The following FOXN3 variants were observed in gnomAD, a reference collection of about 807,000 sequenced individuals.
FOXN3 encodes forkhead box protein N3.
A neutral mutation model predicts 38.4 loss-of-function variants in FOXN3; 7 were observed. That is an observed-to-expected ratio of 0.18 (90% CI 0.10 to 0.34). The LOEUF is 0.34. FOXN3 is among the 10% of genes least tolerant of loss of function. The pLI is 1.00. For synonymous variants in FOXN3, 230 were observed against 242.2 expected (o/e 0.95, Z 0.47); for missense variants, 456 against 613.4 (o/e 0.74, Z 2.71).
chr14:89,393,979 A>G (rs1359527300), intron 2 of FOXN3, among the ~76,000 whole-genome samples: 4 of 152,094 alleles, frequency 2.6e-5, no homozygotes, highest in Non-Finnish European at 5.9e-5. Flanking sequence ...GAAGTCCAAG[A>G]TGGAAGGGTT....
chr14:89,494,125 C>G (rs963046750), intron 1 of FOXN3: 1 of 152,180 alleles, frequency 6.6e-6, no homozygotes, highest in African/African-American at 2.4e-5. Context: ...TTCTTTTACA[C>G]TTACTTAATA....
chr14:89,526,916 A>G (rs1894443219), intron 1 of FOXN3, among the ~76,000 whole-genome samples: 1 of 152,256 alleles, frequency 6.6e-6, no homozygotes, highest in Non-Finnish European at 1.5e-5. Context: ...GGAACAGAAT[A>G]GAGTCCAGAA....
At chr14:89,441,871 T>C (rs1367878510) in intron 1 of FOXN3, among the ~76,000 whole-genome samples, 1 of 151,312 alleles carries the variant, frequency 6.6e-6, no homozygotes, top group Non-Finnish European at 1.5e-5. Context: ...GGCCTTGAGG[T>C]TGGGATCTCA....
At chr14:89,380,685 CG>C (rs982084615) in intron 2 of FOXN3, among the ~76,000 whole-genome samples, 5 of 152,340 alleles carry the variant, frequency 3.3e-5, no homozygotes, top group Admixed American at 3.3e-4. Flanking sequence ...CCCACAACCC[CG>C]TCCTATAAAG....
intron 1 of FOXN3, among the ~76,000 whole-genome samples, chr14:89,546,338 T>TCTTTTTTC (rs1292718509): frequency 8.1e-6 from 1 of 123,510 alleles, no homozygotes; most frequent in Non-Finnish European, 1.7e-5. Flanking sequence ...TCTTTTTTTT[T>TCTTTTTTC]TTTTTTTTTT....
At chr14:89,177,787 G>A (rs1788960713) in intron 5 of FOXN3, among the ~76,000 whole-genome samples, 1 of 152,010 alleles carries the variant, frequency 6.6e-6, no homozygotes, top group Non-Finnish European at 1.5e-5. Flanking sequence ...TTCCCTTAGG[G>A]GCACCAGCAC....
At chr14:89,534,986 G>A (rs562494095) in intron 1 of FOXN3, among the ~76,000 whole-genome samples, 1 of 152,108 alleles carries the variant, frequency 6.6e-6, no homozygotes, top group African/African-American at 2.4e-5. Context: ...TTTGTGCAAG[G>A]CTCTTCCATT....
At chr14:89,562,346 C>T (rs243211) in intron 1 of FOXN3, among the ~76,000 whole-genome samples, 52,494 of 151,880 alleles carry the variant, frequency 0.35, 10,120 homozygotes, top group African/African-American at 0.52. Context: ...CAGCAACCTC[C>T]GCCTCCCAGG....
intron 4 of FOXN3, among the ~76,000 whole-genome samples, chr14:89,275,816 A>G (rs1886282962): frequency 6.6e-6 from 1 of 152,238 alleles, no homozygotes; most frequent in African/African-American, 2.4e-5. Flanking sequence ...ATTGGTGCAC[A>G]TGGAGGAACA....
intron 3 of FOXN3, among the ~76,000 whole-genome samples, chr14:89,303,505 A>AC (rs1048431935): frequency 8.4e-6 from 1 of 118,480 alleles, no homozygotes; most frequent in African/African-American, 2.7e-5. Flanking sequence ...CTAAAAAAAA[A>AC]AAACAAAAAA....
At chr14:89,389,426 G>A (rs765280281) in intron 2 of FOXN3, among the ~76,000 whole-genome samples, 9 of 152,078 alleles carry the variant, frequency 5.9e-5, no homozygotes, top group Non-Finnish European at 1.0e-4. Flanking sequence ...CCTTCACAGC[G>A]GTAGATCCCA....
intron 3 of FOXN3, among the ~76,000 whole-genome samples, chr14:89,337,546 G>A (rs981546173): frequency 1.3e-5 from 2 of 152,032 alleles, no homozygotes. Flanking sequence ...GCAGAGGGAG[G>A]CTTCTTTTCA....
rs1168032993 is a variant in FOXN3 at position 89,158,123 on chromosome 14, C to T, written c.*4291G>A. On this transcript the variant is annotated 3_prime_UTR_variant, in exon 6 of 6. Transcript: ENST00000557258. ...CTTGTACGTAACTCCAATTCCTTCT[C>T]CAAGAGCCCTTCCAGGAGAGGCCCA... 2 of 152,272 alleles carry T rather than the reference C, an allele frequency of 1.3e-5. No individual in the cohort carries two copies. The highest frequency in any genetic ancestry group is 2.9e-5 in the Non-Finnish European group (2 of 68,080). 9.4% of individuals were successfully genotyped at this position (152,272 alleles called of 1,614,324 possible).
chr14:89,164,009 G>A lies in FOXN3; in HGVS notation c.852-1040C>T, dbSNP rs1355545240. ...TACATCTGAGCGATGTACTTTCCTT[G>A]TGCTTCCTTATCGCGAAAGTGGGAA... On this transcript the variant is annotated intron_variant, in intron 5 of 5. Transcript: ENST00000557258. The surrounding 1 kb of genome is among the most constrained non-coding windows in gnomAD (Gnocchi z 4.3). Among the ~76,000 whole-genome samples the A allele has an allele frequency of 6.6e-6, 1 of 152,168 alleles. No individual in the cohort carries two copies. Among genetic ancestry groups the A allele is most frequent in the Non-Finnish European group, 1.5e-5 (1 of 68,044 alleles).
intron 1 of FOXN3, among the ~76,000 whole-genome samples, chr14:89,532,736 G>A (rs957217794): frequency 6.6e-6 from 1 of 152,144 alleles, no homozygotes; most frequent in Non-Finnish European, 1.5e-5. Context: ...CACCAAATGA[G>A]AATGAGGTCA....
At chr14:89,272,966 CT>C (rs1886194754) in intron 4 of FOXN3, among the ~76,000 whole-genome samples, 1 of 152,234 alleles carries the variant, frequency 6.6e-6, no homozygotes, top group Middle Eastern at 3.2e-3. Context: ...GCCTCCTATT[CT>C]TCTATGAGGG....
chr14:89,214,997 AAGGTAC>A (rs1884223652), intron 4 of FOXN3, among the ~76,000 whole-genome samples: 1 of 152,232 alleles, frequency 6.6e-6, no homozygotes. Flanking sequence ...GAAAAGGGAG[AAGGTAC>A]ATTAGGCGAG....
chr14:89,256,692 A>G (rs1596135554), intron 4 of FOXN3, among the ~76,000 whole-genome samples: 1 of 152,084 alleles, frequency 6.6e-6, no homozygotes. Flanking sequence ...AATCCGTGAG[A>G]GTTTAAGGAT....
intron 1 of FOXN3, among the ~76,000 whole-genome samples, chr14:89,528,363 A>AACATGGAT (rs1894473509): frequency 7.2e-6 from 1 of 139,578 alleles, no homozygotes; most frequent in Non-Finnish European, 1.5e-5. Context: ...ATCCATACTC[A>AACATGGAT]ACATGGATGA....
Sources: allele counts gnomAD v4.1 joint callset (sites outside exome capture counted in the v4.1 genomes callset), GRCh38; gene constraint gnomAD v4.1.1; non-coding constraint Gnocchi (gnomAD v3.1); transcripts MANE v1.5; gene names NCBI Gene and HGNC (gene_info 2026-07-23, HGNC 2026-07-21).